Variants in GUCY1B1 observed in about 807,000 individuals in gnomAD.
The protein encoded by GUCY1B1 is guanylate cyclase 1 soluble subunit beta 1, also known as guanylate cyclase soluble subunit beta-1.
GUCY1B1 carries 43 observed loss-of-function variants against 71.0 expected under a neutral mutation model. The ratio of observed to expected loss-of-function variants is 0.61; its 90% CI spans 0.47 to 0.78. The LOEUF is 0.78. GUCY1B1 is among the 30% of genes least tolerant of loss of function. GUCY1B1 has a pLI of 0.00. For synonymous variants in GUCY1B1, 266 were observed against 259.7 expected (o/e 1.02, Z -0.23); for missense variants, 535 against 754.1 (o/e 0.71, Z 3.40).
At chr4:155,770,922 A>G (rs565545867) in intron 2 of GUCY1B1, among the ~76,000 whole-genome samples, 1 of 152,170 alleles carries the variant, frequency 6.6e-6, no homozygotes, top group South Asian at 2.1e-4. Context: ...ATAACATATT[A>G]TATCATTTTG....
intron 2 of GUCY1B1, among the ~76,000 whole-genome samples, chr4:155,773,418 T>C (rs969216384): frequency 6.6e-6 from 1 of 152,238 alleles, no homozygotes; most frequent in African/African-American, 2.4e-5. Context: ...TGACAACTTT[T>C]AAAAACAATT....
chr4:155,806,482 G>A lies in GUCY1B1; in HGVS notation c.*73G>A, dbSNP rs1034842556. 1.9e-5 allele frequency: 19 copies of A among 1,001,440 alleles called. No homozygotes were observed. The African/African-American group carries it at 2.1e-4, about 11-fold the overall frequency. The allele number at this position is 1,001,440 out of a possible 1,614,324, so 62.0% of individuals were successfully genotyped here. ...CTCCTAACACGTGCCAAGCCCAGGA[G>A]CAGTTCTTCCCTATGGATACAGATT... On this transcript the variant is annotated 3_prime_UTR_variant, in exon 14 of 14. Coordinates refer to ENST00000264424, the MANE Select transcript of GUCY1B1 (RefSeq NM_000857.5).
At position 155,796,473 on chromosome 4, in the gene GUCY1B1, C is replaced by A; in HGVS notation, c.940C>A (p.Pro314Thr). ...LRLKGQMIYL[P>T]EADSILFLCS... The stretch of plus-strand genomic sequence containing the variant: ...TCTCAAGGGTCAAATGATCTACTTA[C>A]CTGAAGCAGATAGCATACTTTTTCT... The change falls in exon 8 of 14, where the codon CCT becomes ACT. Residue 314 changes from proline to threonine, a missense_variant. Physicochemically the swap from Pro to Thr is conservative, Grantham distance 38. Coordinates refer to ENST00000264424, the MANE Select transcript of GUCY1B1 (RefSeq NM_000857.5). 6.2e-7 allele frequency: 1 copy of A among 1,609,830 alleles called. No individual in the cohort carries two copies. Among genetic ancestry groups the A allele is most frequent in the Non-Finnish European group, 8.5e-7 (1 of 1,176,210 alleles).
At chr4:155,800,139 G>T in intron 9 of GUCY1B1, 65 bp downstream of exon 9, 2 of 1,113,244 alleles carry the variant, frequency 1.8e-6, no homozygotes, top group East Asian at 2.5e-5. Context: ...CTATATTTAA[G>T]TTTGAGAACC....
chr4:155,761,590 G>A (rs558804193), intron 2 of GUCY1B1, among the ~76,000 whole-genome samples: 1 of 152,238 alleles, frequency 6.6e-6, no homozygotes, highest in Non-Finnish European at 1.5e-5. Flanking sequence ...ATAGAGTAAT[G>A]TATCAGACAT....
At chr4:155,775,542 G>T (rs1417124875) in intron 3 of GUCY1B1, among the ~76,000 whole-genome samples, 2 of 152,062 alleles carry the variant, frequency 1.3e-5, no homozygotes, top group Admixed American at 6.6e-5. Context: ...GATCTACCTG[G>T]CTCAGCCTCC....
At chr4:155,790,864 G>C (rs944094958) in intron 5 of GUCY1B1, among the ~76,000 whole-genome samples, 4 of 152,146 alleles carry the variant, frequency 2.6e-5, no homozygotes, top group African/African-American at 9.7e-5. Context: ...CTTTCTTTCA[G>C]AAGTTGGTGT....
chr4:155,802,218 G>A lies in GUCY1B1; in HGVS notation c.1176-124G>A, dbSNP rs1293705217. The A allele has an allele frequency of 2.0e-6, 3 of 1,518,348 alleles. No homozygotes were observed. The highest frequency in any genetic ancestry group is 2.5e-5 in the South Asian group (2 of 80,260). The allele number at this position is 1,518,348 out of a possible 1,614,324, so 94.1% of individuals were successfully genotyped here. Reference sequence around the variant, plus strand: ...ATATTTGATGCTAATTTTAGAGGATGTCCTGCTAGAATCCAGGCCTTTAAA... The same window carrying A: ...ATATTTGATGCTAATTTTAGAGGATATCCTGCTAGAATCCAGGCCTTTAAA... On this transcript the variant is annotated intron_variant, in intron 9 of 13. Transcript: ENST00000264424. The surrounding 1 kb of genome is among the most constrained non-coding windows in gnomAD (Gnocchi z 4.3).
intron 2 of GUCY1B1, 120 bp from the exon 3 acceptor site, chr4:155,774,848 C>A (rs1737933421): frequency 1.5e-6 from 1 of 661,342 alleles, no homozygotes; most frequent in Non-Finnish European, 2.7e-6. Flanking sequence ...ACAAATTTGC[C>A]CAAAAAAACC....
At chr4:155,794,200 G>A in intron 6 of GUCY1B1, 114 bp downstream of exon 6, 2 of 595,044 alleles carry the variant, frequency 3.4e-6, no homozygotes, top group Middle Eastern at 2.6e-4. Context: ...GTAATATGCA[G>A]TTTATTGTAA....
At chr4:155,797,557 G>A (rs572766010) in intron 8 of GUCY1B1, among the ~76,000 whole-genome samples, 2 of 151,866 alleles carry the variant, frequency 1.3e-5, no homozygotes, top group South Asian at 4.2e-4. Context: ...GGCAAACATG[G>A]TGAAATCCCA....
At chr4:155,776,606 G>A (rs1738065837) in intron 3 of GUCY1B1, among the ~76,000 whole-genome samples, 1 of 152,100 alleles carries the variant, frequency 6.6e-6, no homozygotes, top group Admixed American at 6.6e-5. Context: ...GGAGGTGGAG[G>A]TTGCAGCGAG....
At chr4:155,780,541 C>T (rs1364279556) in intron 4 of GUCY1B1, among the ~76,000 whole-genome samples, 1 of 152,130 alleles carries the variant, frequency 6.6e-6, no homozygotes, top group African/African-American at 2.4e-5. Flanking sequence ...TTCAGGAAGC[C>T]AGAGATCATG....
intron 5 of GUCY1B1, among the ~76,000 whole-genome samples, chr4:155,791,117 A>G (rs1375095248): frequency 2.0e-5 from 3 of 150,444 alleles, no homozygotes; most frequent in Non-Finnish European, 4.4e-5. Context: ...CACATTTCCA[A>G]TCTTTTTTTT....
intron 2 of GUCY1B1, among the ~76,000 whole-genome samples, chr4:155,765,072 G>A (rs923496868): frequency 6.6e-6 from 1 of 151,998 alleles, no homozygotes; most frequent in Non-Finnish European, 1.5e-5. Flanking sequence ...AATTTGGCGT[G>A]TCGGAAGGAT....
chr4:155,761,348 C>CTTATA (rs1560996798), intron 2 of GUCY1B1, among the ~76,000 whole-genome samples: 7 of 150,594 alleles, frequency 4.6e-5, no homozygotes, highest in African/African-American at 1.5e-4. Context: ...TTTATAAATG[C>CTTATA]TATATATATA....
In GUCY1B1 at chr4:155,796,517, AT is replaced by A; in HGVS notation, c.977+12del. The A allele has an allele frequency of 6.3e-7, 1 of 1,594,464 alleles. No individual in the cohort carries two copies. The highest frequency in any genetic ancestry group is 8.6e-7 in the Non-Finnish European group (1 of 1,164,312). Reference sequence around the variant, plus strand: ...TTTTTCTATGTTCACCAAGGTAATCATTTTTAGATTAATTATAGTGGCTATC... The same window carrying A: ...TTTTTCTATGTTCACCAAGGTAATCATTTTAGATTAATTATAGTGGCTATC... On this transcript the variant is annotated splice_region_variant and intron_variant, in intron 8 of 13. Coordinates refer to ENST00000264424, the MANE Select transcript of GUCY1B1 (RefSeq NM_000857.5).
rs1348657552 is a variant in GUCY1B1, at chr4:155,804,924, A to G, written c.1709+177A>G. Among the ~76,000 whole-genome samples, 5 of 152,156 alleles carry G rather than the reference A, an allele frequency of 3.3e-5. No individual in the cohort carries two copies. The South Asian group carries it at 6.2e-4, about 19-fold the overall frequency. Reference sequence around the variant, plus strand: ...GATTGTGTCATTATTTCCATTTTATATGATTTCACATCATCTTAGGAAATC... The same window carrying G: ...GATTGTGTCATTATTTCCATTTTATGTGATTTCACATCATCTTAGGAAATC... On this transcript the variant is annotated intron_variant, in intron 12 of 13. Coordinates refer to ENST00000264424, the MANE Select transcript of GUCY1B1 (RefSeq NM_000857.5).
At chr4:155,780,381 T>C (rs1738333723) in intron 4 of GUCY1B1, among the ~76,000 whole-genome samples, 1 of 152,168 alleles carries the variant, frequency 6.6e-6, no homozygotes. Flanking sequence ...ATTACTTCTC[T>C]GGGAAGACGC....
Sources: gnomAD v4.1 joint callset for allele counts (sites outside exome capture counted in the v4.1 genomes callset) on GRCh38, gnomAD v4.1.1 for gene constraint, Gnocchi (gnomAD v3.1) non-coding constraint, MANE v1.5 for transcripts, NCBI Gene and HGNC (gene_info 2026-07-23, HGNC 2026-07-21) for gene names.